SETD2: variants seen among roughly 807,000 people sequenced by gnomAD.
SETD2 encodes the protein histone-lysine N-methyltransferase SETD2.
In SETD2, 31 loss-of-function variants were observed where a neutral mutation model predicts 242.1. That is an observed-to-expected ratio of 0.13 (90% CI 0.10 to 0.17). SETD2 has a LOEUF of 0.17. Among genes scored for constraint, SETD2 ranks in the 10% least tolerant of loss-of-function variants. The pLI, the probability that SETD2 is intolerant of heterozygous loss-of-function variation, is 1.00. For missense variants in SETD2, 2,481 were observed against 3,046.3 expected, an observed-to-expected ratio of 0.81 and a Z score of 4.37; for synonymous variants, 1,006 against 1,066.5, an observed-to-expected ratio of 0.94 and a Z score of 1.11.
At chr3:47,098,691 G>A (rs2042095849) in intron 8 of SETD2, among the ~76,000 whole-genome samples, 1 of 152,076 alleles carries the variant, frequency 6.6e-6, no homozygotes, top group Non-Finnish European at 1.5e-5. Flanking sequence ...AGCTACTCAA[G>A]AGGCTGAGGC....
intron 10 of SETD2, among the ~76,000 whole-genome samples, chr3:47,086,525 T>C (rs1057419819): frequency 2.6e-4 from 40 of 152,138 alleles, no homozygotes; most frequent in African/African-American, 9.2e-4. Flanking sequence ...ATACACAAAA[T>C]ACAGCCAGTC....
chr3:47,059,397 T>A (rs2040237820), intron 14 of SETD2, among the ~76,000 whole-genome samples: 1 of 149,074 alleles, frequency 6.7e-6, no homozygotes, highest in Non-Finnish European at 1.5e-5. Context: ...ATTATAGGCG[T>A]GAGCCACTGC....
chr3:47,040,365 A>G (rs2039223662), intron 17 of SETD2, among the ~76,000 whole-genome samples: 1 of 152,208 alleles, frequency 6.6e-6, no homozygotes, highest in Non-Finnish European at 1.5e-5. Flanking sequence ...TTATGTCACA[A>G]GATATCAGAA....
At chr3:47,162,293 G>T (rs6442061) in intron 1 of SETD2, among the ~76,000 whole-genome samples, 97,594 of 151,032 alleles carry the variant, frequency 0.65, 31,638 homozygotes, top group African/African-American at 0.74. Flanking sequence ...AATTTTTTTT[G>T]AGGTTTTTCA....
intron 17 of SETD2, among the ~76,000 whole-genome samples, chr3:47,038,935 C>T (rs2039148192): frequency 1.3e-5 from 2 of 152,162 alleles, no homozygotes; most frequent in Non-Finnish European, 2.9e-5. Flanking sequence ...TTTACCACCA[C>T]ATCAATCTTC....
rs1454647589 is a variant in SETD2, at chr3:47,124,452, T to C, written c.184A>G (p.Lys62Glu). Residue 62 changes from lysine to glutamate, a missense_variant, in exon 3 of 21, where the codon AAA becomes GAA. By Grantham distance (56) the Lys-to-Glu change is moderately conservative. This residue lies in a region of SETD2 where 334 missense variants were observed against 374.5 expected (regional missense o/e 0.89). Transcript: ENST00000409792. ...CGTCCCTGTTCTTCCAAATTAACTT[T>C]TGTTTTGGTGCCTTTGGGCAAAAAT... ...SRFLPKGTKT[K>E]VNLEEQGRQK... is the part of the protein sequence containing the mutation. The C allele has an allele frequency of 6.4e-7, 1 of 1,551,932 alleles. No homozygotes were observed. Among genetic ancestry groups the C allele is most frequent in the South Asian group, 1.2e-5 (1 of 84,068 alleles).
At chr3:47,133,451 A>AC (rs536903355) in intron 1 of SETD2, among the ~76,000 whole-genome samples, 107 of 152,146 alleles carry the variant, frequency 7.0e-4, no homozygotes, top group African/African-American at 2.4e-3. Context: ...ATCCCCCCCA[A>AC]CCCTTAAGAA....
At chr3:47,092,782 A>G (rs575911318) in intron 9 of SETD2, among the ~76,000 whole-genome samples, 1 of 152,148 alleles carries the variant, frequency 6.6e-6, no homozygotes, top group Non-Finnish European at 1.5e-5. Flanking sequence ...TAGGTTTAAT[A>G]AACAGGTGAG....
chr3:47,049,304 AATATATATATATATATAT>A (rs55952850), intron 15 of SETD2, among the ~76,000 whole-genome samples: 49 of 108,598 alleles, frequency 4.5e-4, no homozygotes, highest in East Asian at 1.4e-3. Context: ...AAGTTTTCTA[AATATATATATATATATAT>A]ATATATATAT....
At chr3:47,028,032 G>A (rs1024867288) in intron 18 of SETD2, among the ~76,000 whole-genome samples, 7 of 151,838 alleles carry the variant, frequency 4.6e-5, no homozygotes, top group African/African-American at 7.3e-5. Context: ...GTTTTGTTTT[G>A]TTTTTAAAAA....
intron 5 of SETD2, among the ~76,000 whole-genome samples, chr3:47,108,235 T>C (rs1328761872): frequency 6.6e-6 from 1 of 152,136 alleles, no homozygotes; most frequent in Non-Finnish European, 1.5e-5. Context: ...ACAAAACATA[T>C]ATTATCCAGG....
chr3:47,043,840 C>T (rs2039394442), intron 16 of SETD2, among the ~76,000 whole-genome samples: 1 of 152,150 alleles, frequency 6.6e-6, no homozygotes, highest in South Asian at 2.1e-4. Flanking sequence ...CCCCAAGCTT[C>T]TGTGTCCCTT....
At chr3:47,082,940 G>A (rs1469585496) in intron 12 of SETD2, among the ~76,000 whole-genome samples, 1 of 152,156 alleles carries the variant, frequency 6.6e-6, no homozygotes, top group Non-Finnish European at 1.5e-5. Context: ...AAGAAAGGAG[G>A]AACAGAAAAA....
chr3:47,052,064 A>T (rs2039870389), intron 15 of SETD2, among the ~76,000 whole-genome samples: 1 of 152,230 alleles, frequency 6.6e-6, no homozygotes, highest in Non-Finnish European at 1.5e-5. Context: ...TCTATAAACC[A>T]GTTTGACTGG....
chr3:47,123,118 T>A lies in SETD2; in HGVS notation c.1518A>T (p.Arg506Ser), dbSNP rs2106695840. 6.2e-7 allele frequency: 1 copy of A among 1,613,532 alleles called. No homozygotes were observed. The highest frequency in any genetic ancestry group is 8.5e-7 in the Non-Finnish European group (1 of 1,179,546). The part of the protein sequence containing the change: ...KTETSYLEME[R>S]RGKYSSKLER... ...CTAGTTTTGAAGAATACTTGCCTCTTCTTTCCATCTCTAAGTAAGAGGTCT... is the reference window on the plus strand; with the variant it reads ...CTAGTTTTGAAGAATACTTGCCTCTACTTTCCATCTCTAAGTAAGAGGTCT... Residue 506 changes from arginine (R) to serine (S), a missense_variant, in exon 3 of 21, where the codon AGA becomes AGT. Arg to Ser is a moderately radical substitution (Grantham distance 110). Coordinates refer to ENST00000409792, the MANE Select transcript of SETD2 (RefSeq NM_014159.7).
intron 1 of SETD2, among the ~76,000 whole-genome samples, chr3:47,131,626 C>A (rs2043478232): frequency 6.6e-6 from 1 of 152,092 alleles, no homozygotes; most frequent in Non-Finnish European, 1.5e-5. Flanking sequence ...CAGGCGTGAG[C>A]CACTGCACCT....
At chr3:47,097,903 C>A (rs2107673693) in intron 9 of SETD2, 52 bp downstream of exon 9, 1 of 1,591,866 alleles carries the variant, frequency 6.3e-7, no homozygotes, top group Non-Finnish European at 8.6e-7. Flanking sequence ...GAAAAGCCAC[C>A]TCGCTTTTTA....
chr3:47,161,194 C>T (rs1407611625), intron 1 of SETD2, among the ~76,000 whole-genome samples: 1 of 152,198 alleles, frequency 6.6e-6, no homozygotes, highest in Admixed American at 6.5e-5. Flanking sequence ...ATGACCCCAA[C>T]TAGAAGCACT....
intron 5 of SETD2, among the ~76,000 whole-genome samples, chr3:47,109,812 C>T (rs1472291826): frequency 6.6e-6 from 1 of 151,980 alleles, no homozygotes; most frequent in East Asian, 1.9e-4. Flanking sequence ...ATGGTGAAAC[C>T]CCCTCTCTAC....
Sources: allele counts gnomAD v4.1 joint callset (sites outside exome capture counted in the v4.1 genomes callset), GRCh38; gene constraint gnomAD v4.1.1; regional missense constraint gnomAD v4.1.1; transcripts MANE v1.5; gene names NCBI Gene and HGNC (gene_info 2026-07-23, HGNC 2026-07-21).